Variants in CMSS1 observed in about 807,000 individuals in gnomAD.
CMSS1 encodes the protein protein CMSS1.
CMSS1 carries 33 observed loss-of-function variants against 43.5 expected under a neutral mutation model. The ratio of observed to expected loss-of-function variants is 0.76; its 90% CI spans 0.57 to 1.01. CMSS1 has a LOEUF of 1.01. CMSS1 is among the 50% of genes least tolerant of loss of function. The pLI is 0.00. For synonymous variants in CMSS1, 115 were observed against 117.2 expected, an observed-to-expected ratio of 0.98 and a Z score of 0.12; for missense variants, 313 against 326.4, an observed-to-expected ratio of 0.96 and a Z score of 0.32.
chr3:100,117,700 A>G (rs1003227886), intron 1 of CMSS1, among the ~76,000 whole-genome samples: 1 of 151,456 alleles, frequency 6.6e-6, no homozygotes, highest in East Asian at 1.9e-4. Context: ...GTGTATATTG[A>G]TTACAGGTTG....
chr3:100,070,729 T>C (rs570082840), intron 1 of CMSS1, among the ~76,000 whole-genome samples: 158 of 152,326 alleles, frequency 1.0e-3, no homozygotes, highest in Non-Finnish European at 1.7e-3. Context: ...CCTCCCGGGT[T>C]CAAGCAGTTC....
At chr3:100,165,038 CTAGTTGCAACCG>C (rs2067055097) in intron 4 of CMSS1, among the ~76,000 whole-genome samples, 1 of 152,134 alleles carries the variant, frequency 6.6e-6, no homozygotes, top group Non-Finnish European at 1.5e-5. Flanking sequence ...TGCCTATAGG[CTAGTTGCAACCG>C]AATCACCCAG....
intron 7 of CMSS1, 134 bp downstream of exon 7, chr3:100,172,033 G>T: frequency 1.3e-6 from 1 of 744,002 alleles, no homozygotes; most frequent in Non-Finnish European, 2.2e-6. Flanking sequence ...CAACTTTTCT[G>T]GTTTTTTAAA....
intron 1 of CMSS1, among the ~76,000 whole-genome samples, chr3:99,929,279 T>G (rs1707394557): frequency 6.6e-6 from 1 of 152,332 alleles, no homozygotes; most frequent in Non-Finnish European, 1.5e-5. Context: ...AATTGCTAGG[T>G]ACGCTTGGTG....
chr3:99,941,177 C>T (rs890902762), intron 1 of CMSS1, among the ~76,000 whole-genome samples: 1 of 152,092 alleles, frequency 6.6e-6, no homozygotes, highest in Non-Finnish European at 1.5e-5. Context: ...TTCATTCTTC[C>T]TATTCCTTAC....
chr3:100,115,575 G>GTCTCTCTCTCTCTCTCTC (rs66793218), intron 1 of CMSS1, among the ~76,000 whole-genome samples: 6 of 98,020 alleles, frequency 6.1e-5, no homozygotes, highest in East Asian at 3.9e-4. Context: ...CTCTCTCTCT[G>GTCTCTCTCTCTCTCTCTC]TCTCTCTCTC....
intron 1 of CMSS1, among the ~76,000 whole-genome samples, chr3:99,945,168 G>C (rs758690273): frequency 1.3e-5 from 2 of 152,114 alleles, no homozygotes; most frequent in African/African-American, 2.4e-5. Flanking sequence ...CTATGAGTTC[G>C]GGTTAAGTCC....
intron 1 of CMSS1, among the ~76,000 whole-genome samples, chr3:100,018,421 G>A (rs1357482600): frequency 6.6e-5 from 10 of 152,116 alleles, no homozygotes; most frequent in Admixed American, 3.3e-4. Context: ...AGCATATTTT[G>A]TAGGTGCACT....
chr3:100,006,914 GATAAA>G (rs1208971158), intron 1 of CMSS1, among the ~76,000 whole-genome samples: 2 of 152,166 alleles, frequency 1.3e-5, no homozygotes, highest in Admixed American at 1.3e-4. Flanking sequence ...CATTGAGAAG[GATAAA>G]AAATAACTTG....
intron 1 of CMSS1, among the ~76,000 whole-genome samples, chr3:100,029,211 A>G (rs2064981343): frequency 6.6e-6 from 1 of 151,910 alleles, no homozygotes. Context: ...TATTTGTCTA[A>G]AAAGAATTAT....
chr3:100,126,040 T>A (rs1479725987), intron 1 of CMSS1, among the ~76,000 whole-genome samples: 1 of 152,202 alleles, frequency 6.6e-6, no homozygotes, highest in Admixed American at 6.5e-5. Context: ...TGTATGATGA[T>A]CTATGTATTC....
intron 1 of CMSS1, among the ~76,000 whole-genome samples, chr3:99,833,692 G>T (rs114870550): frequency 2.0e-5 from 3 of 152,274 alleles, no homozygotes; most frequent in Non-Finnish European, 4.4e-5. Flanking sequence ...TCTCAGGAGC[G>T]GTCCTGACTC....
chr3:100,044,371 G>A lies in CMSS1; in HGVS notation c.65-102602G>A, dbSNP rs188287693. The stretch of plus-strand genomic sequence containing the variant: ...CATCATAGTATAAAGAAGTAACACA[G>A]GGGTAATCTGTCAAGGGGGGCAGTG... On this transcript the variant is annotated intron_variant, in intron 1 of 9. Coordinates refer to ENST00000421999, the MANE Select transcript of CMSS1 (RefSeq NM_032359.4). 6.3e-3 allele frequency among the ~76,000 whole-genome samples: 950 copies of A among 150,680 alleles called. 12 individuals are homozygous for A. Among genetic ancestry groups the A allele is most frequent in the African/African-American group, 0.022 (876 of 40,038 alleles).
In CMSS1 at chr3:100,121,512, C is replaced by T. The variant is rs183984730; in HGVS notation, c.65-25461C>T. On this transcript the variant is annotated intron_variant, in intron 1 of 9. Transcript: ENST00000421999. ...TCATTGATGGACATTTCGGTTGGTT[C>T]CAAGTCTTTGCTATTGTGAATAGTG... Among the ~76,000 whole-genome samples the T allele has an allele frequency of 1.5e-3, 226 of 152,160 alleles. 1 individual carries two copies. Among genetic ancestry groups the T allele is most frequent in the Non-Finnish European group, 2.4e-3 (164 of 68,000 alleles).
intron 1 of CMSS1, among the ~76,000 whole-genome samples, chr3:99,981,143 C>T (rs1282840335): frequency 6.6e-6 from 1 of 152,186 alleles, no homozygotes; most frequent in African/African-American, 2.4e-5. Context: ...CACTGAGCCT[C>T]ACAAACACCC....
intron 1 of CMSS1, among the ~76,000 whole-genome samples, chr3:99,920,479 G>A (rs1707090229): frequency 6.6e-6 from 1 of 152,150 alleles, no homozygotes; most frequent in African/African-American, 2.4e-5. Context: ...CTGTAATTCA[G>A]CCAAGTACAT....
intron 1 of CMSS1, among the ~76,000 whole-genome samples, chr3:99,983,163 T>C (rs1187838731): frequency 1.3e-5 from 2 of 151,818 alleles, no homozygotes; most frequent in South Asian, 2.1e-4. Context: ...TGAAAAAAAA[T>C]TTCTCAGGGA....
intron 1 of CMSS1, among the ~76,000 whole-genome samples, chr3:99,914,352 A>G (rs1241848127): frequency 6.6e-6 from 1 of 152,248 alleles, no homozygotes; most frequent in Non-Finnish European, 1.5e-5. Flanking sequence ...GGAAAAGGAA[A>G]TATACTGAAA....
intron 6 of CMSS1, 73 bp from the exon 7 acceptor site, chr3:100,171,766 A>G (rs913581546): frequency 3.3e-5 from 39 of 1,174,882 alleles, no homozygotes; most frequent in African/African-American, 4.5e-5. Flanking sequence ...AAAGCAAGAC[A>G]TAATACTTAA....
Sources: allele counts gnomAD v4.1 joint callset (sites outside exome capture counted in the v4.1 genomes callset), GRCh38; gene constraint gnomAD v4.1.1; transcripts MANE v1.5; gene names NCBI Gene and HGNC (gene_info 2026-07-23, HGNC 2026-07-21).